Variants in GRM3 observed in about 807,000 individuals in gnomAD.
The protein encoded by GRM3 is metabotropic glutamate receptor 3.
Under a neutral mutation model 70.5 loss-of-function variants are expected in GRM3, and 26 were observed. The ratio of observed to expected loss-of-function variants is 0.37; its 90% CI spans 0.27 to 0.51. GRM3 has a LOEUF of 0.51. GRM3 is among the 20% of genes least tolerant of loss of function. The pLI, the probability that GRM3 is intolerant of heterozygous loss-of-function variation, is 0.93. For synonymous variants in GRM3, 443 were observed against 434.9 expected, an observed-to-expected ratio of 1.02 and a Z score of -0.23; for missense variants, 859 against 1,123.8, an observed-to-expected ratio of 0.76 and a Z score of 3.37.
At chr7:86,840,262 G>A (rs947001225) in intron 4 of GRM3, among the ~76,000 whole-genome samples, 2 of 152,126 alleles carry the variant, frequency 1.3e-5, no homozygotes, top group African/African-American at 4.8e-5. Context: ...ATCTAATTGT[G>A]AATCTATTTG....
At chr7:86,779,761 G>T (rs1263411077) in intron 2 of GRM3, among the ~76,000 whole-genome samples, 2 of 152,192 alleles carry the variant, frequency 1.3e-5, no homozygotes, top group African/African-American at 4.8e-5. Flanking sequence ...GAGCAGACAA[G>T]TGGTAAAGGT....
intron 5 of GRM3, among the ~76,000 whole-genome samples, chr7:86,854,059 C>T (rs1798802660): frequency 6.6e-6 from 1 of 152,146 alleles, no homozygotes; most frequent in African/African-American, 2.4e-5. Context: ...AGCTCAGATT[C>T]AATGGGAAGT....
At chr7:86,715,105 G>C (rs1330005981) in intron 1 of GRM3, among the ~76,000 whole-genome samples, 1 of 151,936 alleles carries the variant, frequency 6.6e-6, no homozygotes, top group Non-Finnish European at 1.5e-5. Flanking sequence ...AAGGTCTCAA[G>C]CATATCTCCA....
At position 86,725,976 on chromosome 7, in the gene GRM3, G is replaced by A. The variant is rs573328859; in HGVS notation, c.-140-39030G>A. ...CTCATGGCCTAATTACCTCCCAAAGGCCCCACCTCCAAATATCATCACACT... is the reference window on the plus strand; with the variant it reads ...CTCATGGCCTAATTACCTCCCAAAGACCCCACCTCCAAATATCATCACACT... On this transcript the variant is annotated intron_variant, in intron 1 of 5. Transcript: ENST00000361669. 3.9e-5 allele frequency among the ~76,000 whole-genome samples: 6 copies of A among 152,108 alleles called. No individual in the cohort carries two copies. In the South Asian group the frequency reaches 1.2e-3, roughly 32 times the overall value.
At chr7:86,813,106 T>C (rs1029605488) in intron 3 of GRM3, among the ~76,000 whole-genome samples, 4 of 151,828 alleles carry the variant, frequency 2.6e-5, no homozygotes, top group Admixed American at 1.3e-4. Flanking sequence ...AATCTTCTAA[T>C]TTAAAAGTAC....
chr7:86,787,218 C>A, intron 3 of GRM3, 102 bp downstream of exon 3: 1 of 993,482 alleles, frequency 1.0e-6, no homozygotes, highest in Non-Finnish European at 1.5e-6. Flanking sequence ...ATTTCAAAGC[C>A]ATAAAAAGGG....
chr7:86,699,203 C>T (rs1429649690), intron 1 of GRM3, among the ~76,000 whole-genome samples: 2 of 151,944 alleles, frequency 1.3e-5, no homozygotes, highest in African/African-American at 4.8e-5. Flanking sequence ...GGATCAACTA[C>T]CTTAATAAAA....
chr7:86,704,356 A>G (rs12540835), intron 1 of GRM3, among the ~76,000 whole-genome samples: 3 of 151,950 alleles, frequency 2.0e-5, no homozygotes, highest in African/African-American at 7.2e-5. Flanking sequence ...TGATAGCAAC[A>G]CCAATATTTT....
intron 1 of GRM3, among the ~76,000 whole-genome samples, chr7:86,722,397 A>G (rs1795488636): frequency 6.6e-6 from 1 of 152,160 alleles, no homozygotes; most frequent in Non-Finnish European, 1.5e-5. Flanking sequence ...TGTGGTACAT[A>G]TACACCATGG....
chr7:86,850,229 A>G (rs1279850991), intron 4 of GRM3, 141 bp from the exon 5 acceptor site: 4 of 600,340 alleles, frequency 6.7e-6, no homozygotes. Context: ...CAATATAATT[A>G]CTGTATTGAT....
intron 1 of GRM3, chr7:86,710,183 T>C: frequency 6.6e-6 from 1 of 152,096 alleles, no homozygotes; most frequent in East Asian, 1.9e-4. Flanking sequence ...TTTTTCATAA[T>C]GCAAATATGA....
At chr7:86,797,100 C>T (rs966594025) in intron 3 of GRM3, among the ~76,000 whole-genome samples, 35 of 152,018 alleles carry the variant, frequency 2.3e-4, no homozygotes, top group Non-Finnish European at 1.3e-4. Flanking sequence ...CTTTATTAAC[C>T]GAGTGAAAAT....
chr7:86,813,149 A>G (rs1797945821), intron 3 of GRM3, among the ~76,000 whole-genome samples: 1 of 151,776 alleles, frequency 6.6e-6, no homozygotes, highest in Non-Finnish European at 1.5e-5. Flanking sequence ...TGTTTCAAGT[A>G]ATAAAATCTA....
At chr7:86,702,323 C>T (rs1269506873) in intron 1 of GRM3, among the ~76,000 whole-genome samples, 1 of 151,952 alleles carries the variant, frequency 6.6e-6, no homozygotes, top group Non-Finnish European at 1.5e-5. Context: ...CTGGTTAGTC[C>T]TGCATCTCTT....
intron 1 of GRM3, among the ~76,000 whole-genome samples, chr7:86,645,543 G>A (rs1343246033): frequency 6.6e-6 from 1 of 152,124 alleles, no homozygotes. Context: ...CGGGAGATTT[G>A]CGATCCAAAA....
chr7:86,732,928 C>T (rs1339313875), intron 1 of GRM3, among the ~76,000 whole-genome samples: 1 of 152,084 alleles, frequency 6.6e-6, no homozygotes, highest in Non-Finnish European at 1.5e-5. Context: ...ACAAACCCAG[C>T]AGGAAAGTAA....
At chr7:86,712,690 A>G (rs1198776855) in intron 1 of GRM3, among the ~76,000 whole-genome samples, 1 of 151,934 alleles carries the variant, frequency 6.6e-6, no homozygotes, top group Non-Finnish European at 1.5e-5. Flanking sequence ...TATCTTCAGG[A>G]GATCCACTTT....
chr7:86,685,647 C>T (rs1794545971), intron 1 of GRM3, among the ~76,000 whole-genome samples: 1 of 152,158 alleles, frequency 6.6e-6, no homozygotes, highest in Non-Finnish European at 1.5e-5. Flanking sequence ...TGGCTCACGC[C>T]TGTAATCCCA....
At chr7:86,728,689 G>A (rs948506100) in intron 1 of GRM3, among the ~76,000 whole-genome samples, 11 of 152,032 alleles carry the variant, frequency 7.2e-5, no homozygotes, top group African/African-American at 2.7e-4. Context: ...TTCCCCATAT[G>A]TTTACTGTCC....
Sources: gnomAD v4.1 joint callset for allele counts (sites outside exome capture counted in the v4.1 genomes callset) on GRCh38, gnomAD v4.1.1 for gene constraint, MANE v1.5 for transcripts, NCBI Gene and HGNC (gene_info 2026-07-23, HGNC 2026-07-21) for gene names.